Variants in THAP5 observed in about 807,000 individuals in gnomAD.
THAP5 encodes the protein THAP domain containing 5.
Under a neutral mutation model 34.0 loss-of-function variants are expected in THAP5, and 26 were observed. The ratio of observed to expected loss-of-function variants is 0.77; its 90% confidence interval spans 0.56 to 1.06. The LOEUF (loss-of-function observed/expected upper bound fraction) is 1.06. Ranked by LOEUF, THAP5 falls within the 50% of genes least tolerant of loss-of-function variation. THAP5 has a pLI of 0.00. For missense variants in THAP5, 394 were observed against 452.8 expected (o/e 0.87, Z 1.18); for synonymous variants, 125 against 153.0 (o/e 0.82, Z 1.35).
Position 108,569,652 on chromosome 7 carries a change from G to T in THAP5, c.-83C>A. 1 of 1,504,126 alleles carries T rather than the reference G, an allele frequency of 6.6e-7. No individual in the cohort carries two copies. The highest frequency in any genetic ancestry group is 9.0e-7 in the Non-Finnish European group (1 of 1,115,668). The allele number at this position is 1,504,126 out of a possible 1,614,324, so 93.2% of individuals were successfully genotyped here. On this transcript the variant is annotated 5_prime_UTR_variant, in exon 1 of 3. Transcript: ENST00000415914. ...CACTGAGGATGCGCCACAGGTCCAGGCCTCTCGAGCCCCTGCGCCTGCGCT... is the reference window on the plus strand; with the variant it reads ...CACTGAGGATGCGCCACAGGTCCAGTCCTCTCGAGCCCCTGCGCCTGCGCT...
intron 1 of THAP5, chr7:108,568,631 C>A (rs566805426): frequency 1.3e-5 from 2 of 154,724 alleles, no homozygotes; most frequent in African/African-American, 4.8e-5. Flanking sequence ...CAGGTTAGAT[C>A]TAAATGAATT....
chr7:108,542,544 C>T, the THAP5 span, among the ~76,000 whole-genome samples: 2 of 152,096 alleles, frequency 1.3e-5, no homozygotes, highest in African/African-American at 2.4e-5. Flanking sequence ...CTCACTGTAA[C>T]CTCCACCTCC....
chr7:108,559,809 A>C (rs1864413663), downstream of THAP5, among the ~76,000 whole-genome samples: 3 of 152,010 alleles, frequency 2.0e-5, no homozygotes, highest in Admixed American at 2.0e-4. Context: ...AAATCATCAG[A>C]TCTCATGAGA....
chr7:108,557,951 C>T (rs905428735), downstream of THAP5, among the ~76,000 whole-genome samples: 3 of 152,142 alleles, frequency 2.0e-5, no homozygotes, highest in Non-Finnish European at 4.4e-5. Flanking sequence ...GGGAAGGCCT[C>T]AGGAAACTTA....
chr7:108,561,712 T>C (rs35742279), downstream of THAP5, among the ~76,000 whole-genome samples: 2 of 152,100 alleles, frequency 1.3e-5, no homozygotes, highest in Non-Finnish European at 2.9e-5. Context: ...ACTAGAAAAA[T>C]ACAGTAACAC....
chr7:108,542,405 A>G, the THAP5 span, among the ~76,000 whole-genome samples: 2 of 152,030 alleles, frequency 1.3e-5, no homozygotes, highest in South Asian at 2.1e-4. Flanking sequence ...ATATTTCACA[A>G]TTTCCCTGGT....
downstream of THAP5, among the ~76,000 whole-genome samples, chr7:108,552,394 G>T (rs1864359249): frequency 6.6e-6 from 1 of 152,140 alleles, no homozygotes; most frequent in African/African-American, 2.4e-5. Context: ...ATGTTGACAG[G>T]AATCTCTGGA....
downstream of THAP5, among the ~76,000 whole-genome samples, chr7:108,561,299 T>C (rs1224202647): frequency 6.6e-6 from 1 of 152,022 alleles, no homozygotes; most frequent in Non-Finnish European, 1.5e-5. Context: ...GGTCTCACTT[T>C]GATGCCCAGG....
chr7:108,547,228 A>G, the THAP5 span, among the ~76,000 whole-genome samples: 35 of 152,310 alleles, frequency 2.3e-4, no homozygotes, highest in Middle Eastern at 6.8e-3. Flanking sequence ...TGATGAACGG[A>G]TTAACTTATT....
At chr7:108,549,503 T>G in the THAP5 span, among the ~76,000 whole-genome samples, 33 of 152,202 alleles carry the variant, frequency 2.2e-4, no homozygotes, top group Non-Finnish European at 3.2e-4. Context: ...TTAATTACCT[T>G]GTCATTCTAC....
Position 108,564,971 on chromosome 7 carries a change from G to C in THAP5, c.408C>G (p.Pro136=). 1.9e-6 allele frequency: 3 copies of C among 1,556,156 alleles called. No homozygotes were observed. Among genetic ancestry groups the C allele is most frequent in the Non-Finnish European group, 8.7e-7 (1 of 1,148,420 alleles). Reference sequence around the variant, plus strand: ...AATGAAGTAATTCTGGATGTTGATGGGGCACATCTGTGTTAACTATATTTT... The same window carrying C: ...AATGAAGTAATTCTGGATGTTGATGCGGCACATCTGTGTTAACTATATTTT... ...TKKNIVNTDV[P]HQHPELLHSS... Residue 136 remains proline, a synonymous_variant, in exon 3 of 3, where the codon CCC becomes CCG. Coordinates refer to ENST00000415914, the MANE Select transcript of THAP5 (RefSeq NM_001130475.3).
downstream of THAP5, among the ~76,000 whole-genome samples, chr7:108,561,475 G>C (rs1864430567): frequency 6.6e-6 from 1 of 150,400 alleles, no homozygotes; most frequent in Non-Finnish European, 1.5e-5. Flanking sequence ...CACCATGTTG[G>C]CTAGGCTAGT....
chr7:108,544,210 A>G, the THAP5 span, among the ~76,000 whole-genome samples: 1 of 152,152 alleles, frequency 6.6e-6, no homozygotes, highest in Non-Finnish European at 1.5e-5. Context: ...CATGGTCCAA[A>G]CTGTCAATAA....
chr7:108,559,821 CT>C (rs1358645577), downstream of THAP5, among the ~76,000 whole-genome samples: 6 of 151,986 alleles, frequency 3.9e-5, no homozygotes, highest in Non-Finnish European at 7.4e-5. Flanking sequence ...CTCATGAGAA[CT>C]CATGATCATG....
downstream of THAP5, among the ~76,000 whole-genome samples, chr7:108,554,339 T>C (rs778140229): frequency 1.3e-5 from 2 of 152,182 alleles, no homozygotes; most frequent in Admixed American, 6.5e-5. Flanking sequence ...GCAAAAAGGA[T>C]AGAAAGTCTT....
chr7:108,568,159 G>A (rs1790525875), intron 1 of THAP5: 1 of 152,214 alleles, frequency 6.6e-6, no homozygotes, highest in Admixed American at 6.5e-5. Context: ...CTTCAAGGGA[G>A]ACAATCCTGG....
At chr7:108,547,106 G>C in the THAP5 span, among the ~76,000 whole-genome samples, 1 of 152,310 alleles carries the variant, frequency 6.6e-6, no homozygotes. Context: ...AAAAGGAATA[G>C]ACATTTCTTA....
downstream of THAP5, among the ~76,000 whole-genome samples, chr7:108,561,430 ATTTTTT>A (rs372485775): frequency 2.3e-5 from 3 of 127,978 alleles, no homozygotes; most frequent in African/African-American, 8.9e-5. Context: ...TGCCTGGCTG[ATTTTTT>A]TTTTTTTTTT....
chr7:108,542,944 T>C, the THAP5 span, among the ~76,000 whole-genome samples: 3 of 150,988 alleles, frequency 2.0e-5, no homozygotes. Flanking sequence ...TTTATTTTTT[T>C]GAGATGGAGT....
Sources: allele counts gnomAD v4.1 joint callset (sites outside exome capture counted in the v4.1 genomes callset), GRCh38; gene constraint gnomAD v4.1.1; transcripts MANE v1.5; gene names NCBI Gene and HGNC (gene_info 2026-07-23, HGNC 2026-07-21).